Variants in ADARB1 observed in about 807,000 individuals in gnomAD.
ADARB1 encodes double-stranded RNA-specific editase 1.
Under a neutral mutation model 52.4 loss-of-function variants are expected in ADARB1, and 10 were observed. The observed-to-expected ratio is 0.19, with a 90% confidence interval of 0.12 to 0.32. The LOEUF is 0.32. Ranked by LOEUF, ADARB1 falls within the 10% of genes least tolerant of loss-of-function variation. The pLI is 1.00. For synonymous variants in ADARB1, 349 were observed against 371.1 expected, an observed-to-expected ratio of 0.94 and a Z score of 0.68; for missense variants, 643 against 922.3, an observed-to-expected ratio of 0.70 and a Z score of 3.92.
chr21:45,169,272 G>A lies in ADARB1; in HGVS notation c.-47-2338G>A, dbSNP rs558155339. Among the ~76,000 whole-genome samples, 4 of 152,342 alleles carry A rather than the reference G, an allele frequency of 2.6e-5. No individual in the cohort carries two copies. The East Asian group carries it at 5.8e-4, about 22-fold the overall frequency. ...TGACACCACCCAACAAGGGGACTCT[G>A]GGGTTGTCCTTACAGCCTGGCACGG... On this transcript the variant is annotated intron_variant, in intron 2 of 10. Transcript: ENST00000348831.
At chr21:45,133,273 G>A (rs1469519602) in intron 2 of ADARB1, among the ~76,000 whole-genome samples, 2 of 152,242 alleles carry the variant, frequency 1.3e-5, no homozygotes, top group African/African-American at 2.4e-5. Flanking sequence ...AGTTCCTTGT[G>A]ACCATAGGCC....
rs2092960140 is a variant in ADARB1, at chr21:45,221,252, T to G, written c.1926+238T>G. Reference sequence around the variant, plus strand: ...CTCCCTGCTGCAGGGTAACACCCACTGCCAGGCCACTGTGTGTGGTGGAAA... The same window carrying G: ...CTCCCTGCTGCAGGGTAACACCCACGGCCAGGCCACTGTGTGTGGTGGAAA... On this transcript the variant is annotated intron_variant, in intron 10 of 10. Coordinates refer to ENST00000348831, the MANE Select transcript of ADARB1 (RefSeq NM_001112.4). The surrounding 1 kb of genome is among the most constrained non-coding windows in gnomAD (Gnocchi z 4.9). 6.6e-6 allele frequency among the ~76,000 whole-genome samples: 1 copy of G among 152,248 alleles called. No individual in the cohort carries two copies. Among genetic ancestry groups the G allele is most frequent in the South Asian group, 2.1e-4 (1 of 4,834 alleles).
chr21:45,207,081 C>T (rs558944847), intron 9 of ADARB1, among the ~76,000 whole-genome samples: 14 of 152,280 alleles, frequency 9.2e-5, no homozygotes, highest in East Asian at 3.9e-4. Flanking sequence ...GGACCAGGCA[C>T]CCCTTGCAAT....
intron 1 of ADARB1, among the ~76,000 whole-genome samples, chr21:45,123,661 C>T (rs1318757249): frequency 6.6e-6 from 1 of 151,960 alleles, no homozygotes; most frequent in African/African-American, 2.4e-5. Context: ...AGTGCAGTGG[C>T]AGGATTATGG....
intron 9 of ADARB1, among the ~76,000 whole-genome samples, chr21:45,219,853 C>T (rs2092930896): frequency 6.6e-6 from 1 of 152,192 alleles, no homozygotes; most frequent in Non-Finnish European, 1.5e-5. Flanking sequence ...TCATCATAAG[C>T]AGATATTACC....
chr21:45,113,305 C>T (rs1456900788), intron 1 of ADARB1, among the ~76,000 whole-genome samples: 1 of 152,024 alleles, frequency 6.6e-6, no homozygotes, highest in Non-Finnish European at 1.5e-5. Context: ...CACCTGTAGT[C>T]CCAGCTACTC....
At chr21:45,077,584 G>A (rs752612291) in intron 1 of ADARB1, among the ~76,000 whole-genome samples, 3 of 151,864 alleles carry the variant, frequency 2.0e-5, no homozygotes, top group Non-Finnish European at 2.9e-5. Flanking sequence ...GGAAAATGGC[G>A]TGAACCCAGG....
At chr21:45,083,553 G>T (rs973242747) in intron 1 of ADARB1, among the ~76,000 whole-genome samples, 1 of 152,188 alleles carries the variant, frequency 6.6e-6, no homozygotes, top group Non-Finnish European at 1.5e-5. Context: ...CAGTTGAAAT[G>T]CATTCTCTGA....
At chr21:45,197,464 C>T (rs1032556410) in intron 8 of ADARB1, among the ~76,000 whole-genome samples, 11 of 150,382 alleles carry the variant, frequency 7.3e-5, no homozygotes, top group South Asian at 2.1e-4. Flanking sequence ...CACGCCACTG[C>T]GCTCCAGCCT....
intron 2 of ADARB1, chr21:45,144,782 G>T: frequency 2.8e-6 from 1 of 351,554 alleles, no homozygotes; most frequent in South Asian, 2.3e-5. Context: ...CTTTCCACTT[G>T]CTGGCACACA....
chr21:45,185,951 T>C (rs1367661763), intron 8 of ADARB1, among the ~76,000 whole-genome samples: 1 of 152,196 alleles, frequency 6.6e-6, no homozygotes, highest in Non-Finnish European at 1.5e-5. Context: ...TTTCCTTCAG[T>C]GGGTCTTGTC....
intron 1 of ADARB1, among the ~76,000 whole-genome samples, chr21:45,078,775 A>G (rs888869457): frequency 6.6e-6 from 1 of 152,196 alleles, no homozygotes; most frequent in Non-Finnish European, 1.5e-5. Flanking sequence ...CTTGCGAATG[A>G]CATGATCTGA....
In ADARB1 at chr21:45,125,966, C is replaced by T. The variant is rs564619537; in HGVS notation, c.-219-2436C>T. Among the ~76,000 whole-genome samples the T allele has an allele frequency of 3.3e-5, 5 of 152,318 alleles. No individual in the cohort carries two copies. In the East Asian group the frequency reaches 7.7e-4, roughly 24 times the overall value. On this transcript the variant is annotated intron_variant, in intron 1 of 10. Coordinates refer to ENST00000348831, the MANE Select transcript of ADARB1 (RefSeq NM_001112.4). ...CTTGAGCACCGAGCTATAAAGGTCCCTCTGATGTACTGCTTTATCTGTGTG... is the reference window on the plus strand; with the variant it reads ...CTTGAGCACCGAGCTATAAAGGTCCTTCTGATGTACTGCTTTATCTGTGTG...
chr21:45,105,661 T>C (rs2087215997), intron 1 of ADARB1, among the ~76,000 whole-genome samples: 1 of 152,238 alleles, frequency 6.6e-6, no homozygotes, highest in Non-Finnish European at 1.5e-5. Context: ...TGTGTTGCTT[T>C]TATGTTCTTT....
chr21:45,119,325 A>G (rs146084623), intron 1 of ADARB1, among the ~76,000 whole-genome samples: 2,284 of 152,308 alleles, frequency 0.015, 19 homozygotes, highest in Middle Eastern at 0.031. Flanking sequence ...TCCTAGGCTC[A>G]AGCCATCCTC....
rs914627570 is a variant in ADARB1, at chr21:45,180,562, T to C, written c.1078+118T>C. The C allele has an allele frequency of 4.8e-6, 4 of 837,436 alleles. No homozygotes were observed. In the Admixed American group the frequency reaches 8.5e-5, roughly 18 times the overall value. 51.9% of individuals were successfully genotyped at this position (837,436 alleles called of 1,614,324 possible). ...GACGGGAGATGGTTACTTCTTTTCT[T>C]CTTCAAAATGTCTGCCATATGCAAG... is the stretch of plus-strand genomic sequence containing the variant. On this transcript the variant is annotated intron_variant, in intron 5 of 10. Coordinates refer to ENST00000348831, the MANE Select transcript of ADARB1 (RefSeq NM_001112.4).
At chr21:45,091,213 C>T (rs140181710) in intron 1 of ADARB1, among the ~76,000 whole-genome samples, 10 of 152,332 alleles carry the variant, frequency 6.6e-5, no homozygotes, top group African/African-American at 2.4e-4. Flanking sequence ...CAATTTTCCC[C>T]TAACTCAGAC....
intron 1 of ADARB1, among the ~76,000 whole-genome samples, chr21:45,122,707 C>G (rs2088274550): frequency 6.6e-6 from 1 of 152,178 alleles, no homozygotes; most frequent in African/African-American, 2.4e-5. Flanking sequence ...GGCTCACTCC[C>G]CACCAGTTTC....
rs1417479476 is a variant in ADARB1, at chr21:45,221,591, AG to A, written c.1927-423del. 6.6e-6 allele frequency among the ~76,000 whole-genome samples: 1 copy of A among 152,202 alleles called. No individual in the cohort carries two copies. Among genetic ancestry groups the A allele is most frequent in the Admixed American group, 6.5e-5 (1 of 15,282 alleles). The stretch of plus-strand genomic sequence containing the variant: ...AGTGCCCGGGAGGGTCCTGTTCACC[AG>A]GGGCAGCACCCAGGCCAGCTGCCAC... On this transcript the variant is annotated intron_variant, in intron 10 of 10. Coordinates refer to ENST00000348831, the MANE Select transcript of ADARB1 (RefSeq NM_001112.4). This position sits in a 1 kb window ranked among gnomAD's most constrained non-coding sequence, Gnocchi z 4.9.
Sources: gnomAD v4.1 joint callset for allele counts (sites outside exome capture counted in the v4.1 genomes callset) on GRCh38, gnomAD v4.1.1 for gene constraint, Gnocchi (gnomAD v3.1) non-coding constraint, MANE v1.5 for transcripts, NCBI Gene and HGNC (gene_info 2026-07-23, HGNC 2026-07-21) for gene names.